The following PSTPIP2 variants were observed in gnomAD, a reference collection of about 807,000 sequenced individuals.
PSTPIP2 encodes proline-serine-threonine phosphatase-interacting protein 2.
In PSTPIP2, 33 loss-of-function variants were observed where a neutral mutation model predicts 63.3. That is an observed-to-expected ratio of 0.52 (90% CI 0.40 to 0.70). PSTPIP2 has a LOEUF of 0.70. Ranked by LOEUF, PSTPIP2 falls within the 30% of genes least tolerant of loss-of-function variation. PSTPIP2 has a pLI of 0.00. For synonymous variants in PSTPIP2, 125 were observed against 132.7 expected, an observed-to-expected ratio of 0.94 and a Z score of 0.40; for missense variants, 312 against 400.7, an observed-to-expected ratio of 0.78 and a Z score of 1.89.
intron 2 of PSTPIP2, among the ~76,000 whole-genome samples, chr18:46,036,758 C>A (rs1907994939): frequency 6.6e-6 from 1 of 152,152 alleles, no homozygotes; most frequent in African/African-American, 2.4e-5. Flanking sequence ...GGGTGCAGTG[C>A]TGGGTTCCAT....
chr18:46,029,988 C>T (rs1907730796), intron 2 of PSTPIP2, among the ~76,000 whole-genome samples: 1 of 152,112 alleles, frequency 6.6e-6, no homozygotes, highest in African/African-American at 2.4e-5. Flanking sequence ...GTGGCAGGTG[C>T]CTGTAATCCC....
At chr18:45,987,238 A>T (rs887003758) in intron 14 of PSTPIP2, among the ~76,000 whole-genome samples, 1 of 152,226 alleles carries the variant, frequency 6.6e-6, no homozygotes, top group Non-Finnish European at 1.5e-5. Context: ...AGGACTGGAG[A>T]CAAACAATGT....
intron 2 of PSTPIP2, among the ~76,000 whole-genome samples, chr18:46,032,020 G>C (rs1254102420): frequency 6.6e-6 from 1 of 152,148 alleles, no homozygotes; most frequent in East Asian, 1.9e-4. Context: ...GTCCAGGCAG[G>C]CAATGAAGGA....
chr18:46,005,414 AG>A, intron 6 of PSTPIP2, 54 bp downstream of exon 6: 1 of 1,397,678 alleles, frequency 7.2e-7, no homozygotes, highest in Non-Finnish European at 1.0e-6. Flanking sequence ...TACACAGCAC[AG>A]GATTTCAGAA....
At chr18:46,017,668 A>G (rs968712425) in intron 3 of PSTPIP2, among the ~76,000 whole-genome samples, 2 of 152,062 alleles carry the variant, frequency 1.3e-5, no homozygotes, top group African/African-American at 4.8e-5. Context: ...GTATATATTT[A>G]TCATGTACAA....
chr18:46,009,160 C>T (rs577205130), intron 5 of PSTPIP2, among the ~76,000 whole-genome samples: 8 of 152,106 alleles, frequency 5.3e-5, no homozygotes, highest in South Asian at 2.1e-4. Flanking sequence ...ACATTAGCTG[C>T]GAGGGACCAT....
At chr18:45,997,207 G>T (rs559876086) in intron 9 of PSTPIP2, among the ~76,000 whole-genome samples, 9 of 151,938 alleles carry the variant, frequency 5.9e-5, no homozygotes, top group Non-Finnish European at 1.0e-4. Context: ...TGTTTTCTTG[G>T]AGACGGAGTC....
chr18:46,039,148 T>C (rs1172320929), intron 2 of PSTPIP2, among the ~76,000 whole-genome samples: 1 of 152,212 alleles, frequency 6.6e-6, no homozygotes, highest in Non-Finnish European at 1.5e-5. Flanking sequence ...GATCCTGATC[T>C]TTGGCCCCAA....
intron 3 of PSTPIP2, among the ~76,000 whole-genome samples, chr18:46,021,661 T>C (rs1029903206): frequency 2.6e-5 from 4 of 151,122 alleles, no homozygotes; most frequent in African/African-American, 4.9e-5. Flanking sequence ...AACTGAGAAT[T>C]TGGGCCAGAG....
intron 10 of PSTPIP2, among the ~76,000 whole-genome samples, chr18:45,993,284 G>A (rs1390093426): frequency 2.0e-5 from 3 of 151,964 alleles, no homozygotes; most frequent in South Asian, 2.1e-4. Context: ...TAGTAGAGAC[G>A]GAGTTTCACC....
intron 2 of PSTPIP2, chr18:46,029,402 C>T (rs1907708932): frequency 6.7e-7 from 1 of 1,502,358 alleles, no homozygotes; most frequent in Non-Finnish European, 9.3e-7. Flanking sequence ...AAGTATATGC[C>T]TCTTCGGGGA....
chr18:46,066,795 C>T (rs762974555), intron 1 of PSTPIP2, among the ~76,000 whole-genome samples: 3 of 152,176 alleles, frequency 2.0e-5, no homozygotes, highest in Non-Finnish European at 4.4e-5. Flanking sequence ...TTTGCCCAGG[C>T]GGGCGAATCA....
chr18:46,008,114 A>G (rs1159967656), intron 5 of PSTPIP2, among the ~76,000 whole-genome samples: 4 of 152,160 alleles, frequency 2.6e-5, no homozygotes, highest in African/African-American at 9.7e-5. Flanking sequence ...ATCCAATGGA[A>G]ATGTGATTGG....
intron 1 of PSTPIP2, among the ~76,000 whole-genome samples, chr18:46,057,082 C>T (rs1013807919): frequency 2.0e-5 from 3 of 151,978 alleles, no homozygotes; most frequent in Non-Finnish European, 2.9e-5. Flanking sequence ...CCAGCCTGGG[C>T]GACAGAACAA....
chr18:46,055,239 C>T (rs772567972), intron 1 of PSTPIP2, among the ~76,000 whole-genome samples: 1 of 152,180 alleles, frequency 6.6e-6, no homozygotes, highest in Non-Finnish European at 1.5e-5. Flanking sequence ...GTCCCTCATA[C>T]ACATCCAGTG....
intron 14 of PSTPIP2, among the ~76,000 whole-genome samples, chr18:45,986,322 A>G (rs2051466076): frequency 6.6e-6 from 1 of 152,224 alleles, no homozygotes; most frequent in African/African-American, 2.4e-5. Flanking sequence ...GAAATGATAT[A>G]ACTCAAGTAC....
At chr18:46,012,238 T>G (rs2051804356) in intron 4 of PSTPIP2, among the ~76,000 whole-genome samples, 1 of 152,136 alleles carries the variant, frequency 6.6e-6, no homozygotes, top group African/African-American at 2.4e-5. Flanking sequence ...TTCTTGATAT[T>G]GGCAAGCATG....
intron 1 of PSTPIP2, among the ~76,000 whole-genome samples, chr18:46,059,901 C>A (rs1375459387): frequency 1.3e-5 from 2 of 152,154 alleles, no homozygotes; most frequent in Non-Finnish European, 2.9e-5. Context: ...CGTGGTGGCA[C>A]ATGCCTGTAA....
In PSTPIP2 at chr18:46,070,634, C is replaced by G. The variant is rs550006737; in HGVS notation, c.33+1522G>C. Among the ~76,000 whole-genome samples, 12 of 152,316 alleles carry G rather than the reference C, an allele frequency of 7.9e-5. No individual in the cohort carries two copies. The East Asian group carries it at 2.3e-3, about 29-fold the overall frequency. ...CCTCAAGCAATCCTCTTGCCTCAGC[C>G]TCCCAAGTAACTATATCTACAGGCA... is the stretch of plus-strand genomic sequence containing the variant. On this transcript the variant is annotated intron_variant, in intron 1 of 14. Transcript: ENST00000409746.
Sources: allele counts gnomAD v4.1 joint callset (sites outside exome capture counted in the v4.1 genomes callset), GRCh38; gene constraint gnomAD v4.1.1; transcripts MANE v1.5; gene names NCBI Gene and HGNC (gene_info 2026-07-23, HGNC 2026-07-21).